NSD2: variants seen among roughly 807,000 people sequenced by gnomAD.
NSD2 encodes the protein nuclear receptor binding SET domain protein 2.
NSD2 carries 12 observed loss-of-function variants against 139.0 expected under a neutral mutation model. The observed-to-expected ratio is 0.09, with a 90% CI of 0.06 to 0.14. The LOEUF (loss-of-function observed/expected upper bound fraction) is 0.14. Ranked by LOEUF, NSD2 falls within the 10% of genes least tolerant of loss-of-function variation. NSD2 has a pLI of 1.00. For synonymous variants in NSD2, 669 were observed against 648.7 expected (o/e 1.03, Z -0.48); for missense variants, 1,155 against 1,745.0 (o/e 0.66, Z 6.02).
intron 1 of NSD2, among the ~76,000 whole-genome samples, chr4:1,885,628 G>T (rs58548271): frequency 0.031 from 4,760 of 151,950 alleles, 241 homozygotes; most frequent in African/African-American, 0.11. Context: ...GAGTGTGGAG[G>T]CATGCTCTGG....
chr4:1,903,879 C>T (rs1347800953), intron 2 of NSD2, among the ~76,000 whole-genome samples: 13 of 151,932 alleles, frequency 8.6e-5, no homozygotes, highest in Non-Finnish European at 1.6e-4. Context: ...GGATTACAGG[C>T]GCCTGCCACC....
At chr4:1,892,535 C>G (rs979672388) in intron 1 of NSD2, among the ~76,000 whole-genome samples, 3 of 152,156 alleles carry the variant, frequency 2.0e-5, no homozygotes, top group African/African-American at 7.2e-5. Flanking sequence ...CTCTTCCCAC[C>G]TCTGTTCCTG....
chr4:1,872,731 C>A (rs537246215), intron 1 of NSD2, among the ~76,000 whole-genome samples: 12 of 152,094 alleles, frequency 7.9e-5, no homozygotes, highest in African/African-American at 2.7e-4. Flanking sequence ...CACAGACTTT[C>A]AAGCCTTGAT....
At chr4:1,923,963 A>C (rs1483935654) in intron 5 of NSD2, among the ~76,000 whole-genome samples, 3 of 152,272 alleles carry the variant, frequency 2.0e-5, no homozygotes, top group African/African-American at 7.2e-5. Context: ...TCCATCTAAA[A>C]AGTGTAAGTG....
At chr4:1,902,640 T>C (rs780674942) in intron 2 of NSD2, among the ~76,000 whole-genome samples, 1 of 152,172 alleles carries the variant, frequency 6.6e-6, no homozygotes, top group East Asian at 1.9e-4. Flanking sequence ...GGTCTTGGTA[T>C]GTTGCACAGG....
Position 1,938,416 on chromosome 4 carries a change from CT to C in NSD2, c.1675-10del, listed in dbSNP as rs746279426. On this transcript the variant is annotated intron_variant, in intron 7 of 21. Coordinates refer to ENST00000508803, the MANE Select transcript of NSD2 (RefSeq NM_001042424.3). Reference sequence around the variant, plus strand: ...TTTTTCTTTTCTTTTTTTTTTCTTTCTTTTTTTTTTTTTTTTTTTTTTTTTA... The same window carrying C: ...TTTTTCTTTTCTTTTTTTTTTCTTTCTTTTTTTTTTTTTTTTTTTTTTTTA... 0.15 allele frequency: 47,973 copies of C among 319,926 alleles called. 4 individuals carry two copies. The highest frequency in any genetic ancestry group is 0.22 in the East Asian group (3,403 of 15,662). The allele number at this position is 319,926 out of a possible 1,614,324, so 19.8% of individuals were successfully genotyped here. A position where few individuals can be genotyped will look rare whatever the true frequency, so the allele number is the denominator to read the frequency against.
At chr4:1,873,835 C>T (rs1191641361) in intron 1 of NSD2, among the ~76,000 whole-genome samples, 1 of 152,146 alleles carries the variant, frequency 6.6e-6, no homozygotes, top group Non-Finnish European at 1.5e-5. Flanking sequence ...ATAATCCAAA[C>T]GTATTTTGTC....
intron 9 of NSD2, chr4:1,944,093 G>C: frequency 9.4e-7 from 1 of 1,066,326 alleles, no homozygotes; most frequent in Non-Finnish European, 1.1e-6. Flanking sequence ...CGGGGGGTGG[G>C]GTGACATCGT....
Position 1,978,848 on chromosome 4 carries a change from G to C in NSD2, c.4037G>C (p.Gly1346Ala). ...ACTGAGAAGCCCCCCCCAGAGCCAG[G>C]GAAGCCGAAGGGGAAGAGGCGGCGG... Reference protein sequence around the residue: ...TKTEKPPPEPGKPKGKRRRRR... With the variant: ...TKTEKPPPEPAKPKGKRRRRR... Residue 1346 changes from glycine to alanine, a missense_variant, in exon 22 of 22, where the codon GGG (glycine) becomes GCG (alanine). By Grantham distance (60) the Gly-to-Ala change is moderately conservative. This residue lies in a region of NSD2 where 132 missense variants were observed against 94.3 expected (regional missense o/e 1.40). Transcript: ENST00000508803. 6.2e-7 allele frequency: 1 copy of C among 1,601,616 alleles called. No individual in the cohort carries two copies. The highest frequency in any genetic ancestry group is 8.5e-7 in the Non-Finnish European group (1 of 1,171,180).
intron 1 of NSD2, among the ~76,000 whole-genome samples, chr4:1,896,206 C>G (rs543708422): frequency 4.9e-4 from 75 of 152,334 alleles, no homozygotes; most frequent in South Asian, 3.7e-3. Context: ...GGGCTCTGTG[C>G]AGGCAGCCCA....
chr4:1,940,336 A>G (rs913513858), intron 9 of NSD2: 8 of 1,069,316 alleles, frequency 7.5e-6, no homozygotes, highest in Non-Finnish European at 9.1e-6. Context: ...CAGAACTACC[A>G]TTGTAATATG....
intron 9 of NSD2, chr4:1,945,500 C>T (rs1252332939): frequency 2.8e-6 from 3 of 1,063,568 alleles, no homozygotes; most frequent in Non-Finnish European, 2.3e-6. Flanking sequence ...GTTCCAAAAC[C>T]AAAAAAAGTG....
In NSD2 at chr4:1,927,719, GAAAAAAAAAAAAAA is replaced by G. The variant is rs1177170379; in HGVS notation, c.1411-2890_1411-2877del. On this transcript the variant is annotated intron_variant, in intron 5 of 21. Transcript: ENST00000508803. Reference sequence around the variant, plus strand: ...GGGCCACAATGAGACTCTTATCTCAGAAAAAAAAAAAAAAAAAAAAAAAAAAAAAAGCCGTGTAG... The same window carrying G: ...GGGCCACAATGAGACTCTTATCTCAGAAAAAAAAAAAAAAAAGCCGTGTAG... 7.9e-4 allele frequency among the ~76,000 whole-genome samples: 15 copies of G among 18,872 alleles called. No homozygotes were observed. In the Admixed American group the frequency reaches 9.1e-3, roughly 11 times the overall value. The allele number at this position is 18,872 out of a possible 152,430, so 12.4% of individuals were successfully genotyped here.
At chr4:1,908,954 G>A (rs1718301585) in intron 3 of NSD2, among the ~76,000 whole-genome samples, 1 of 151,990 alleles carries the variant, frequency 6.6e-6, no homozygotes, top group South Asian at 2.1e-4. Context: ...GTCCCCAGCA[G>A]CCACGGCTTT....
chr4:1,919,961 T>G (rs1248941988), intron 5 of NSD2, among the ~76,000 whole-genome samples: 1 of 151,960 alleles, frequency 6.6e-6, no homozygotes, highest in Non-Finnish European at 1.5e-5. Context: ...AAGTCTGTCT[T>G]CAAAAAATTT....
intron 20 of NSD2, 183 bp downstream of exon 20, chr4:1,975,583 C>T: frequency 1.7e-6 from 1 of 585,526 alleles, no homozygotes; most frequent in South Asian, 2.1e-5. Context: ...GTTAAGAGTT[C>T]CTCACTGAAC....
intron 9 of NSD2, chr4:1,944,563 G>C (rs976221255): frequency 6.6e-6 from 7 of 1,064,672 alleles, no homozygotes; most frequent in Non-Finnish European, 6.8e-6. Context: ...TAAAACTTGA[G>C]GCATTCACTA....
chr4:1,978,335 C>T (rs1388618233), intron 21 of NSD2, among the ~76,000 whole-genome samples: 1 of 152,168 alleles, frequency 6.6e-6, no homozygotes, highest in African/African-American at 2.4e-5. Context: ...ACAGCAGCCC[C>T]TGCCTGTCCA....
At chr4:1,903,942 G>A (rs922822759) in intron 2 of NSD2, among the ~76,000 whole-genome samples, 1 of 152,092 alleles carries the variant, frequency 6.6e-6, no homozygotes, top group African/African-American at 2.4e-5. Context: ...CATTGTGTTA[G>A]CCAGGATGGT....
Sources: gnomAD v4.1 joint callset for allele counts (sites outside exome capture counted in the v4.1 genomes callset) on GRCh38, gnomAD v4.1.1 for gene constraint, gnomAD v4.1.1 regional missense constraint, MANE v1.5 for transcripts, NCBI Gene and HGNC (gene_info 2026-07-23, HGNC 2026-07-21) for gene names.